The following EDN1 variants were observed in gnomAD, a reference collection of about 807,000 sequenced individuals.
EDN1 encodes the protein endothelin 1.
In EDN1, 11 loss-of-function variants were observed where a neutral mutation model predicts 21.7. The observed-to-expected ratio is 0.51, with a 90% CI of 0.32 to 0.84. The LOEUF (loss-of-function observed/expected upper bound fraction) is 0.84. Ranked by LOEUF, EDN1 falls within the 40% of genes least tolerant of loss-of-function variation. The pLI is 0.03. For missense variants in EDN1, 244 were observed against 262.3 expected (o/e 0.93, Z 0.48); for synonymous variants, 85 against 90.6 (o/e 0.94, Z 0.35).
chr6:12,247,555 T>TTTTTTG, the EDN1 span, among the ~76,000 whole-genome samples: 1 of 147,098 alleles, frequency 6.8e-6, no homozygotes, highest in Admixed American at 6.7e-5. Context: ...TTTTTTTTTT[T>TTTTTTG]TTGGAGACAG....
chr6:12,294,405 G>A lies in EDN1; in HGVS notation c.533+1G>A. 1.1e-5 allele frequency: 17 copies of A among 1,614,052 alleles called. No homozygotes were observed. The highest frequency in any genetic ancestry group is 1.4e-5 in the Non-Finnish European group (16 of 1,180,000). On this transcript the variant is annotated splice_donor_variant, in intron 4 of 4. Transcript: ENST00000379375. LOFTEE classifies it high-confidence loss of function. ...CAGAGGAACACCTAAGACAAACCAGGTAAGAGGGAAGGAAGAAAAATTAGG... is the reference window on the plus strand; with the variant it reads ...CAGAGGAACACCTAAGACAAACCAGATAAGAGGGAAGGAAGAAAAATTAGG...
the EDN1 span, among the ~76,000 whole-genome samples, chr6:12,264,864 A>G: frequency 1.3e-5 from 2 of 152,332 alleles, no homozygotes; most frequent in South Asian, 2.1e-4. Flanking sequence ...CTCTCTGCCC[A>G]CAAATTCATA....
chr6:12,288,301 G>A (rs1233902009), upstream of EDN1, among the ~76,000 whole-genome samples: 1 of 151,908 alleles, frequency 6.6e-6, no homozygotes, highest in East Asian at 1.9e-4. Flanking sequence ...CCTTTCTTCC[G>A]CGGGAGTGTT....
At chr6:12,242,268 T>C in the EDN1 span, among the ~76,000 whole-genome samples, 1 of 152,160 alleles carries the variant, frequency 6.6e-6, no homozygotes, top group African/African-American at 2.4e-5. Context: ...ACGCAGGGAA[T>C]GAGAATGGTC....
chr6:12,270,505 T>C, the EDN1 span, among the ~76,000 whole-genome samples: 3 of 152,174 alleles, frequency 2.0e-5, no homozygotes, highest in Non-Finnish European at 4.4e-5. Flanking sequence ...AAATTATTTT[T>C]AAATTTCCTT....
Position 12,294,920 on chromosome 6 carries a change from C to CTTTTTTT in EDN1, c.533+530_533+536dup, listed in dbSNP as rs61701314. On this transcript the variant is annotated intron_variant, in intron 4 of 4. Transcript: ENST00000379375. ...ACATGCTGTTTTTCAGGTTTATGGT[C>CTTTTTTT]TTTTTTTTTTTTTTTTTTTTAAATA... is the stretch of plus-strand genomic sequence containing the variant. 5.6e-3 allele frequency among the ~76,000 whole-genome samples: 607 copies of CTTTTTTT among 107,508 alleles called. 34 individuals are homozygous for CTTTTTTT. Among genetic ancestry groups the CTTTTTTT allele is most frequent in the South Asian group, 0.02 (57 of 2,862 alleles). The allele number at this position is 107,508 out of a possible 152,430, so 70.5% of individuals were successfully genotyped here.
chr6:12,242,590 C>T, the EDN1 span, among the ~76,000 whole-genome samples: 3 of 152,094 alleles, frequency 2.0e-5, no homozygotes, highest in Non-Finnish European at 4.4e-5. Context: ...TGGTATGTGG[C>T]GTAATTTATT....
At chr6:12,256,250 G>A in the EDN1 span, among the ~76,000 whole-genome samples, 2 of 152,208 alleles carry the variant, frequency 1.3e-5, no homozygotes, top group Non-Finnish European at 2.9e-5. Context: ...CTACTTGGGA[G>A]GCTGAGGCGG....
the EDN1 span, among the ~76,000 whole-genome samples, chr6:12,241,939 A>G: frequency 3.9e-5 from 6 of 152,340 alleles, no homozygotes; most frequent in Non-Finnish European, 8.8e-5. Context: ...TGCAGGCTGC[A>G]CCCATCTTTA....
the EDN1 span, among the ~76,000 whole-genome samples, chr6:12,277,987 G>C: frequency 1.3e-5 from 2 of 152,224 alleles, no homozygotes; most frequent in Non-Finnish European, 2.9e-5. Context: ...AAGAATGCAG[G>C]AGTGGGACTT....
At position 12,294,474 on chromosome 6, in the gene EDN1, C is replaced by A. The variant is rs562319771; in HGVS notation, c.533+70C>A. 4.7e-5 allele frequency: 74 copies of A among 1,574,504 alleles called. 1 individual carries two copies. In the East Asian group the frequency reaches 1.1e-3, roughly 24 times the overall value. On this transcript the variant is annotated intron_variant, in intron 4 of 4. Transcript: ENST00000379375. ...AACTAGCCCCAGTCAGTGATGCCAG[C>A]AGCCTGTTCCTCCAGCCCTTCTTAC...
the EDN1 span, among the ~76,000 whole-genome samples, chr6:12,230,662 T>C: frequency 6.6e-6 from 1 of 152,184 alleles, no homozygotes; most frequent in Non-Finnish European, 1.5e-5. Flanking sequence ...AGTGTCACCT[T>C]GTTTGACCTC....
At chr6:12,274,801 T>A in the EDN1 span, among the ~76,000 whole-genome samples, 12 of 152,346 alleles carry the variant, frequency 7.9e-5, no homozygotes, top group South Asian at 2.5e-3. Context: ...GTGTCAGATG[T>A]GGGATTCAGC....
At chr6:12,247,335 T>A in the EDN1 span, among the ~76,000 whole-genome samples, 1 of 152,124 alleles carries the variant, frequency 6.6e-6, no homozygotes, top group South Asian at 2.1e-4. Flanking sequence ...GCCCTGGTCT[T>A]ATAAATGAGT....
intron 2 of EDN1, 71 bp from the exon 3 acceptor site, chr6:12,293,869 AG>A (rs1762752599): frequency 1.3e-6 from 2 of 1,544,514 alleles, no homozygotes; most frequent in African/African-American, 1.4e-5. Context: ...CCAGTGGAAT[AG>A]GTGTGTCCAT....
At chr6:12,249,793 T>C in the EDN1 span, among the ~76,000 whole-genome samples, 1 of 152,082 alleles carries the variant, frequency 6.6e-6, no homozygotes, top group African/African-American at 2.4e-5. Context: ...TATCATTTAC[T>C]TCATTGTGAT....
chr6:12,251,745 G>A, the EDN1 span, among the ~76,000 whole-genome samples: 11 of 152,262 alleles, frequency 7.2e-5, no homozygotes, highest in East Asian at 9.6e-4. Flanking sequence ...TCCACTGCAC[G>A]TTTTATATTA....
the EDN1 span, among the ~76,000 whole-genome samples, chr6:12,239,562 G>A: frequency 6.6e-6 from 1 of 152,108 alleles, no homozygotes; most frequent in Non-Finnish European, 1.5e-5. Flanking sequence ...AAATATGATG[G>A]CTTAAGCTAG....
the EDN1 span, among the ~76,000 whole-genome samples, chr6:12,235,630 C>T: frequency 1.4e-4 from 22 of 152,264 alleles, no homozygotes; most frequent in East Asian, 3.9e-3. Flanking sequence ...TACTTGAGAT[C>T]GCTATTGGTT....
Sources: allele counts gnomAD v4.1 joint callset (sites outside exome capture counted in the v4.1 genomes callset), GRCh38; gene constraint gnomAD v4.1.1; transcripts MANE v1.5; gene names NCBI Gene and HGNC (gene_info 2026-07-23, HGNC 2026-07-21).